The following VPS13D variants were observed in gnomAD, a reference collection of about 807,000 sequenced individuals.
VPS13D encodes the protein vacuolar protein sorting 13 homolog D.
In VPS13D, 187 loss-of-function variants were observed where a neutral mutation model predicts 461.9. That is an observed-to-expected ratio of 0.40 (90% CI 0.36 to 0.46). The LOEUF is 0.46. Among genes scored for constraint, VPS13D ranks in the 20% least tolerant of loss-of-function variants. The pLI is 0.60. For synonymous variants in VPS13D, 1,951 were observed against 1,986.3 expected, an observed-to-expected ratio of 0.98 and a Z score of 0.47; for missense variants, 4,711 against 5,364.9, an observed-to-expected ratio of 0.88 and a Z score of 3.81.
In VPS13D at chr1:12,277,098, C is replaced by T; in HGVS notation, c.3510C>T (p.Ile1170=). 1 of 1,614,148 alleles carries T rather than the reference C, an allele frequency of 6.2e-7. No homozygotes were observed. Among genetic ancestry groups the T allele is most frequent in the Non-Finnish European group, 8.5e-7 (1 of 1,180,036 alleles). The change falls in exon 19 of 70, where the codon ATC becomes ATT. Residue 1170 remains isoleucine, a synonymous_variant. Coordinates refer to ENST00000620676, the MANE Select transcript of VPS13D (RefSeq NM_015378.4). ...AAAACACTGAGGTTGCAGTGGAAAT[C>T]CATAGGCTGAACTTACTGCTTCTTC... is the stretch of plus-strand genomic sequence containing the variant. ...YEQNTEVAVE[I]HRLNLLLLRT...
intron 35 of VPS13D, among the ~76,000 whole-genome samples, chr1:12,325,051 A>G (rs1643143374): frequency 6.6e-6 from 1 of 152,178 alleles, no homozygotes; most frequent in Non-Finnish European, 1.5e-5. Flanking sequence ...CAAAAAGAGA[A>G]GTACAGCACA....
intron 36 of VPS13D, among the ~76,000 whole-genome samples, chr1:12,328,356 A>G (rs907547904): frequency 7.3e-6 from 1 of 136,620 alleles, no homozygotes; most frequent in Non-Finnish European, 1.6e-5. Context: ...GGAGTACTCT[A>G]TCCTTTTTTT....
chr1:12,324,641 G>C (rs1424558155), intron 35 of VPS13D, among the ~76,000 whole-genome samples: 3 of 152,228 alleles, frequency 2.0e-5, no homozygotes, highest in African/African-American at 7.2e-5. Context: ...ATAAGAGGCT[G>C]TCTCCCTCAG....
Position 12,507,841 on chromosome 1 carries a change from C to G in VPS13D, c.13035+748C>G, listed in dbSNP as rs1646133111. On this transcript the variant is annotated intron_variant, in intron 69 of 69. Transcript: ENST00000620676. The surrounding 1 kb of genome is among the most constrained non-coding windows in gnomAD (Gnocchi z 5.3). Reference sequence around the variant, plus strand: ...GCGGATCTGTCTCTGGCCAGTCGGCCCTGGAGGCTTGCCATGACACCCAGG... The same window carrying G: ...GCGGATCTGTCTCTGGCCAGTCGGCGCTGGAGGCTTGCCATGACACCCAGG... 6.6e-6 allele frequency among the ~76,000 whole-genome samples: 1 copy of G among 152,228 alleles called. No homozygotes were observed. The highest frequency in any genetic ancestry group is 1.5e-5 in the Non-Finnish European group (1 of 68,048).
chr1:12,499,887 A>G (rs1481436981), intron 68 of VPS13D: 2 of 985,438 alleles, frequency 2.0e-6, no homozygotes, highest in South Asian at 9.4e-5. Context: ...AAAGCCCACG[A>G]GCGCCAAATT....
At chr1:12,356,551 G>A in intron 49 of VPS13D, 27 bp downstream of exon 49, 1 of 1,605,962 alleles carries the variant, frequency 6.2e-7, no homozygotes, top group Middle Eastern at 1.7e-4. Context: ...ATGGGAAGGG[G>A]AAATAAGCTC....
chr1:12,309,657 A>C (rs1455828776), intron 27 of VPS13D, among the ~76,000 whole-genome samples: 1 of 151,300 alleles, frequency 6.6e-6, no homozygotes, highest in Non-Finnish European at 1.5e-5. Flanking sequence ...AGCTACCGGG[A>C]AGGCTGAGGC....
At chr1:12,432,685 T>G (rs908544119) in intron 65 of VPS13D, among the ~76,000 whole-genome samples, 1 of 151,868 alleles carries the variant, frequency 6.6e-6, no homozygotes, top group African/African-American at 2.4e-5. Context: ...AACCTCTGCT[T>G]CTTGGGTTCA....
chr1:12,426,228 G>A (rs1644923406), intron 65 of VPS13D, among the ~76,000 whole-genome samples: 1 of 152,162 alleles, frequency 6.6e-6, no homozygotes, highest in East Asian at 1.9e-4. Context: ...TAAATCATGT[G>A]GGATGTGCAG....
intron 5 of VPS13D, among the ~76,000 whole-genome samples, chr1:12,248,844 T>C (rs547977293): frequency 6.6e-6 from 1 of 150,540 alleles, no homozygotes; most frequent in South Asian, 2.1e-4. Flanking sequence ...GGCTTTGCTT[T>C]CTTTAATTGC....
chr1:12,424,397 A>G (rs1644898129), intron 65 of VPS13D, among the ~76,000 whole-genome samples: 1 of 152,174 alleles, frequency 6.6e-6, no homozygotes. Context: ...AGCAAATTTT[A>G]GATGCTGAAT....
At position 12,299,730 on chromosome 1, in the gene VPS13D, A is replaced by G. The variant is rs771211048; in HGVS notation, c.6216+346A>G. 3.3e-5 allele frequency among the ~76,000 whole-genome samples: 5 copies of G among 152,190 alleles called. No individual in the cohort carries two copies. The highest frequency in any genetic ancestry group is 6.5e-5 in the Admixed American group (1 of 15,278). On this transcript the variant is annotated intron_variant, in intron 25 of 69. Transcript: ENST00000620676. The surrounding 1 kb of genome is among the most constrained non-coding windows in gnomAD (Gnocchi z 4.2). ...AATGGAATCAACCTTCCATCTTTTT[A>G]TAATGCTTTCTTTATATAAAAGCAT...
chr1:12,491,344 G>A (rs1347107550), intron 67 of VPS13D, among the ~76,000 whole-genome samples: 4 of 152,082 alleles, frequency 2.6e-5, no homozygotes, highest in African/African-American at 9.7e-5. Flanking sequence ...GGCCATGACA[G>A]ACTTCTCAAC....
chr1:12,256,387 G>C lies in VPS13D; in HGVS notation c.724G>C (p.Val242Leu). The C allele has an allele frequency of 6.2e-7, 1 of 1,614,134 alleles. No individual in the cohort carries two copies. Among genetic ancestry groups the C allele is most frequent in the South Asian group, 1.1e-5 (1 of 91,086 alleles). ...SRSHHYVLEP[V>L]FASALLKRNC... ...CAGCCATCACTACGTCCTGGAGCCT[G>C]TGTTTGCATCTGCTCTTTTGAAGAG... The change falls in exon 8 of 70, where the codon GTG becomes CTG. Residue 242 changes from valine (V) to leucine (L), a missense_variant. Val to Leu is a conservative substitution (Grantham distance 32). Coordinates refer to ENST00000620676, the MANE Select transcript of VPS13D (RefSeq NM_015378.4).
intron 63 of VPS13D, among the ~76,000 whole-genome samples, chr1:12,404,755 T>C (rs1310443655): frequency 6.6e-6 from 1 of 152,128 alleles, no homozygotes; most frequent in Non-Finnish European, 1.5e-5. Flanking sequence ...ACAGGGAAAT[T>C]GAAGTTCAAA....
intron 65 of VPS13D, among the ~76,000 whole-genome samples, chr1:12,417,854 A>G (rs1033656999): frequency 2.0e-5 from 3 of 152,220 alleles, no homozygotes; most frequent in African/African-American, 7.2e-5. Context: ...GAACCAGACT[A>G]AAGTGTACTG....
intron 67 of VPS13D, among the ~76,000 whole-genome samples, chr1:12,472,904 C>T (rs993938091): frequency 3.3e-5 from 5 of 152,184 alleles, no homozygotes; most frequent in Admixed American, 1.3e-4. Context: ...CTTCTTTCCC[C>T]GAAAGATTGA....
intron 63 of VPS13D, among the ~76,000 whole-genome samples, chr1:12,409,587 T>C (rs1644697394): frequency 1.3e-5 from 2 of 152,230 alleles, no homozygotes; most frequent in Non-Finnish European, 1.5e-5. Context: ...AAATTCCAAG[T>C]GAATCAGAGA....
Position 12,356,452 on chromosome 1 carries a change from T to G in VPS13D, c.9926T>G (p.Phe3309Cys). 2 of 1,614,112 alleles carry G rather than the reference T, an allele frequency of 1.2e-6. No homozygotes were observed. Among genetic ancestry groups the G allele is most frequent in the South Asian group, 2.2e-5 (2 of 91,070 alleles). Reference protein sequence around the residue: ...DNAKTDAAGQFEEHELARSLS... With the variant: ...DNAKTDAAGQCEEHELARSLS... ...GCCAAGACAGATGCTGCAGGCCAGT[T>G]TGAGGAGCATGAGCTGGCCCGTAGC... Residue 3309 changes from phenylalanine (F) to cysteine (C), a missense_variant, in exon 49 of 70, where the codon TTT becomes TGT. Transcript: ENST00000620676.
Sources: allele counts gnomAD v4.1 joint callset (sites outside exome capture counted in the v4.1 genomes callset), GRCh38; gene constraint gnomAD v4.1.1; non-coding constraint Gnocchi (gnomAD v3.1); transcripts MANE v1.5; gene names NCBI Gene and HGNC (gene_info 2026-07-23, HGNC 2026-07-21).